ACSS1: variants seen among roughly 807,000 people sequenced by gnomAD.
ACSS1 encodes the protein acetyl-coenzyme A synthetase 2-like, mitochondrial.
Under a neutral mutation model 75.3 loss-of-function variants are expected in ACSS1, and 42 were observed. That is an observed-to-expected ratio of 0.56 (90% confidence interval 0.44 to 0.72). The LOEUF is 0.72. Ranked by LOEUF, ACSS1 falls within the 30% of genes least tolerant of loss-of-function variation. The pLI is 0.00. For synonymous variants in ACSS1, 380 were observed against 376.8 expected (o/e 1.01, Z -0.10); for missense variants, 782 against 935.7 (o/e 0.84, Z 2.14).
At chr20:25,038,792 C>T (rs1181704046) in intron 2 of ACSS1, among the ~76,000 whole-genome samples, 2 of 152,158 alleles carry the variant, frequency 1.3e-5, no homozygotes, top group Admixed American at 6.5e-5. Context: ...GAGGCCTGTG[C>T]TTCCAAAAGG....
At chr20:25,025,090 G>T (rs1392028884) in intron 3 of ACSS1, among the ~76,000 whole-genome samples, 3 of 152,242 alleles carry the variant, frequency 2.0e-5, no homozygotes, top group Non-Finnish European at 2.9e-5. Flanking sequence ...AGGAAGGAAT[G>T]AACCTTTCTC....
chr20:25,030,262 C>T (rs2088798797), intron 3 of ACSS1, among the ~76,000 whole-genome samples: 1 of 152,216 alleles, frequency 6.6e-6, no homozygotes, highest in African/African-American at 2.4e-5. Flanking sequence ...AACAGCAAAA[C>T]AAGGAAGTTA....
intron 13 of ACSS1, among the ~76,000 whole-genome samples, chr20:25,008,735 A>G (rs1285045695): frequency 1.3e-5 from 2 of 152,184 alleles, no homozygotes; most frequent in Admixed American, 6.5e-5. Context: ...GTGCTCAAGA[A>G]CCACACAGGG....
intron 1 of ACSS1, among the ~76,000 whole-genome samples, chr20:25,056,646 T>C (rs1009981384): frequency 6.6e-6 from 1 of 152,216 alleles, no homozygotes; most frequent in Non-Finnish European, 1.5e-5. Flanking sequence ...ATCCTCACAA[T>C]GAGGAGACTG....
chr20:25,006,679 G>T lies in ACSS1; in HGVS notation c.*1083C>A. On this transcript the variant is annotated 3_prime_UTR_variant, in exon 14 of 14. Transcript: ENST00000323482. Reference sequence around the variant, plus strand: ...CCCTGCATGCCTAGCAGGGAGGTAAGCACCCACTGGCGTCGTGATTTCCAT... The same window carrying T: ...CCCTGCATGCCTAGCAGGGAGGTAATCACCCACTGGCGTCGTGATTTCCAT... 1 of 909,212 alleles carries T rather than the reference G, an allele frequency of 1.1e-6. No individual in the cohort carries two copies. The highest frequency in any genetic ancestry group is 1.6e-6 in the Non-Finnish European group (1 of 625,204). The allele number at this position is 909,212 out of a possible 1,614,324, so 56.3% of individuals were successfully genotyped here. A position where few individuals can be genotyped will look rare whatever the true frequency, so the allele number is the denominator to read the frequency against.
At chr20:25,034,804 G>A (rs912022329) in intron 2 of ACSS1, among the ~76,000 whole-genome samples, 8 of 152,034 alleles carry the variant, frequency 5.3e-5, no homozygotes, top group African/African-American at 1.4e-4. Flanking sequence ...CCGACCTCAG[G>A]AGATCCACCC....
intron 2 of ACSS1, among the ~76,000 whole-genome samples, chr20:25,032,933 G>A (rs1050574265): frequency 5.3e-5 from 8 of 152,336 alleles, no homozygotes; most frequent in African/African-American, 1.9e-4. Flanking sequence ...GGATTTCATC[G>A]TTTTCCCTTC....
intron 2 of ACSS1, among the ~76,000 whole-genome samples, chr20:25,042,522 C>T (rs1218786827): frequency 6.6e-6 from 1 of 152,176 alleles, no homozygotes; most frequent in Non-Finnish European, 1.5e-5. Flanking sequence ...CACGGGTCAA[C>T]GAGGCTGTTC....
chr20:25,013,718 C>A, intron 9 of ACSS1, 56 bp from the exon 10 acceptor site: 2 of 1,548,000 alleles, frequency 1.3e-6, no homozygotes, highest in Non-Finnish European at 1.7e-6. Context: ...AGAAGTGTGC[C>A]AAAAAATGAC....
chr20:25,057,422 C>T (rs1465982352), intron 1 of ACSS1, among the ~76,000 whole-genome samples: 1 of 152,216 alleles, frequency 6.6e-6, no homozygotes, highest in Non-Finnish European at 1.5e-5. Context: ...CGCGGCTCCC[C>T]GCCGGCTCTT....
At chr20:25,051,600 C>T (rs1600352201) in intron 1 of ACSS1, among the ~76,000 whole-genome samples, 1 of 152,348 alleles carries the variant, frequency 6.6e-6, no homozygotes, top group African/African-American at 2.4e-5. Context: ...CGCTGCTGGT[C>T]CTGGGACCCG....
Position 25,007,004 on chromosome 20 carries a change from G to T in ACSS1, c.*758C>A. 6.5e-7 allele frequency: 1 copy of T among 1,531,678 alleles called. No individual in the cohort carries two copies. The highest frequency in any genetic ancestry group is 1.2e-5 in the South Asian group (1 of 83,476). The allele number at this position is 1,531,678 out of a possible 1,614,324, so 94.9% of individuals were successfully genotyped here. The stretch of plus-strand genomic sequence containing the variant: ...AGCTTGAAGAAACAGAACATAACTG[G>T]AGTAGCTTCAGAACTAAGGCGGCCA... On this transcript the variant is annotated 3_prime_UTR_variant, in exon 14 of 14. Transcript: ENST00000323482.
chr20:25,009,419 T>C (rs1233578408), intron 12 of ACSS1, 31 bp from the exon 13 acceptor site: 56 of 1,575,874 alleles, frequency 3.6e-5, no homozygotes, highest in Non-Finnish European at 4.5e-5. Context: ...GGGGATGTAT[T>C]AAATACTAGA....
At chr20:25,048,635 A>AGTGCT (rs765401138) in intron 1 of ACSS1, among the ~76,000 whole-genome samples, 5 of 152,220 alleles carry the variant, frequency 3.3e-5, no homozygotes, top group Non-Finnish European at 5.9e-5. Context: ...CCATGTGCCC[A>AGTGCT]GTGCTGACCT....
chr20:25,029,997 C>G (rs2088793865), intron 3 of ACSS1, among the ~76,000 whole-genome samples: 1 of 152,198 alleles, frequency 6.6e-6, no homozygotes, highest in African/African-American at 2.4e-5. Context: ...CAGCATCACC[C>G]TTGAACGTGG....
rs1269655076 is a variant in ACSS1 at position 25,013,545 on chromosome 20, C to A, written c.1570G>T (p.Ala524Ser). 1 of 1,599,216 alleles carries A rather than the reference C, an allele frequency of 6.3e-7. No individual in the cohort carries two copies. The highest frequency in any genetic ancestry group is 1.3e-5 in the African/African-American group (1 of 74,676). ...HQRFVDAYFK[A>S]YPGYYFTGDG... ...CTGACAGCCTGCTCACCTGGGTAGG[C>A]CTTGAAGTAGGCGTCCACAAATCGC... is the stretch of plus-strand genomic sequence containing the variant. Residue 524 changes from alanine to serine, a missense_variant, in exon 10 of 14, where the codon GCC (alanine) becomes TCC (serine). Transcript: ENST00000323482.
intron 2 of ACSS1, among the ~76,000 whole-genome samples, chr20:25,044,694 T>A (rs747491693): frequency 6.6e-6 from 1 of 152,220 alleles, no homozygotes; most frequent in Non-Finnish European, 1.5e-5. Flanking sequence ...GCCACTGCCG[T>A]CCCAGAGTGC....
chr20:25,023,429 G>A (rs776429141), intron 4 of ACSS1, 37 bp downstream of exon 4: 1 of 1,612,170 alleles, frequency 6.2e-7, no homozygotes, highest in Admixed American at 1.7e-5. Context: ...AACTTGATAT[G>A]ACCTCGCCTC....
intron 1 of ACSS1, among the ~76,000 whole-genome samples, chr20:25,049,137 T>C (rs1407354219): frequency 6.6e-6 from 1 of 152,062 alleles, no homozygotes; most frequent in East Asian, 1.9e-4. Flanking sequence ...CTAATACTAG[T>C]AAGAGACACA....
Sources: allele counts gnomAD v4.1 joint callset (sites outside exome capture counted in the v4.1 genomes callset), GRCh38; gene constraint gnomAD v4.1.1; transcripts MANE v1.5; gene names NCBI Gene and HGNC (gene_info 2026-07-23, HGNC 2026-07-21).